The following COL4A1 variants were observed in gnomAD, a reference collection of about 807,000 sequenced individuals.
COL4A1 encodes collagen alpha-1(IV) chain.
Under a neutral mutation model 216.6 loss-of-function variants are expected in COL4A1, and 40 were observed. The observed-to-expected ratio is 0.18, with a 90% CI of 0.14 to 0.24. The LOEUF is 0.24. Ranked by LOEUF, COL4A1 falls within the 10% of genes least tolerant of loss-of-function variation. The probability of loss-of-function intolerance (pLI) is 1.00; values close to 1 mark genes in which losing one functional copy is unlikely to be tolerated. For synonymous variants in COL4A1, 839 were observed against 810.7 expected (o/e 1.03, Z -0.59); for missense variants, 1,628 against 2,196.8 (o/e 0.74, Z 5.18).
intron 2 of COL4A1, among the ~76,000 whole-genome samples, chr13:110,229,542 T>C (rs929932646): frequency 2.6e-5 from 4 of 152,182 alleles, no homozygotes; most frequent in South Asian, 4.1e-4. Context: ...GTTCTGAATG[T>C]CCATGCCCCG....
chr13:110,211,798 A>G lies in COL4A1; in HGVS notation c.441+71T>C. On this transcript the variant is annotated intron_variant, in intron 7 of 51. Coordinates refer to ENST00000375820, the MANE Select transcript of COL4A1 (RefSeq NM_001845.6). This position sits in a 1 kb window ranked among gnomAD's most constrained non-coding sequence, Gnocchi z 4.3. ...AAACATAAGCAAAGAAAGAAAGAAA[A>G]GGAAATGGAATGAAAAGAGAGAAGT... is the stretch of plus-strand genomic sequence containing the variant. The G allele has an allele frequency of 6.5e-7, 1 of 1,549,594 alleles. No homozygotes were observed. Among genetic ancestry groups the G allele is most frequent in the Non-Finnish European group, 8.9e-7 (1 of 1,127,682 alleles).
chr13:110,258,583 A>G (rs1882679756), intron 1 of COL4A1, among the ~76,000 whole-genome samples: 1 of 152,220 alleles, frequency 6.6e-6, no homozygotes, highest in Non-Finnish European at 1.5e-5. Context: ...AATATTTTGA[A>G]TTTGAAAATG....
At chr13:110,193,634 G>T (rs1160402848) in intron 22 of COL4A1, among the ~76,000 whole-genome samples, 1 of 152,238 alleles carries the variant, frequency 6.6e-6, no homozygotes, top group African/African-American at 2.4e-5. Flanking sequence ...AGGCGGCGTG[G>T]CCATGTTCTT....
intron 2 of COL4A1, among the ~76,000 whole-genome samples, chr13:110,225,305 C>G (rs1010178202): frequency 7.2e-5 from 11 of 152,216 alleles, no homozygotes; most frequent in African/African-American, 2.7e-4. Context: ...ACGACTGGGC[C>G]GGGTGCAGTG....
chr13:110,306,108 G>A (rs1407265537), intron 1 of COL4A1, among the ~76,000 whole-genome samples: 1 of 152,102 alleles, frequency 6.6e-6, no homozygotes, highest in African/African-American at 2.4e-5. Context: ...AGTCAGTCCA[G>A]GCTTGTCCAC....
chr13:110,155,592 C>G (rs967561924), intron 49 of COL4A1, among the ~76,000 whole-genome samples, 195 bp from the exon 50 acceptor site: 2 of 152,190 alleles, frequency 1.3e-5, no homozygotes, highest in Non-Finnish European at 2.9e-5. Context: ...AAGCCTGTCT[C>G]AGTATTAAAA....
chr13:110,162,281 A>G lies in COL4A1; in HGVS notation c.4411T>C (p.Tyr1471His), dbSNP rs1230712550. ...PSGTKILYHG[Y>H]SLLYVQGNER... ...TTGCCTTGCACGTAGAGCAAAGAGTACCCGTGGTAAAGAATTTTGGTCCCA... is the reference window on the plus strand; with the variant it reads ...TTGCCTTGCACGTAGAGCAAAGAGTGCCCGTGGTAAAGAATTTTGGTCCCA... Residue 1471 changes from tyrosine to histidine, a missense_variant, in exon 48 of 52, where the codon TAC becomes CAC. This residue lies in a region of COL4A1 where 254 missense variants were observed against 300.1 expected (regional missense o/e 0.85). Coordinates refer to ENST00000375820, the MANE Select transcript of COL4A1 (RefSeq NM_001845.6). The G allele has an allele frequency of 6.8e-6, 11 of 1,614,216 alleles. No individual in the cohort carries two copies. Among genetic ancestry groups the G allele is most frequent in the Non-Finnish European group, 9.3e-6 (11 of 1,180,034 alleles).
intron 26 of COL4A1, among the ~76,000 whole-genome samples, chr13:110,183,951 G>C (rs143965377): frequency 6.6e-6 from 1 of 152,154 alleles, no homozygotes; most frequent in African/African-American, 2.4e-5. Flanking sequence ...CTGAATCTTC[G>C]TACACCTCGT....
At chr13:110,243,019 T>TA (rs1197083003) in intron 1 of COL4A1, among the ~76,000 whole-genome samples, 2 of 152,232 alleles carry the variant, frequency 1.3e-5, no homozygotes, top group East Asian at 3.9e-4. Context: ...TGCCCTTTGT[T>TA]AATTTCTATT....
chr13:110,222,380 G>T (rs1025021149), intron 2 of COL4A1, among the ~76,000 whole-genome samples: 1 of 152,182 alleles, frequency 6.6e-6, no homozygotes, highest in African/African-American at 2.4e-5. Flanking sequence ...CTTGGGTGAG[G>T]AGTCTCCGTG....
At position 110,184,187 on chromosome 13, in the gene COL4A1, A is replaced by G. The variant is rs189303747; in HGVS notation, c.1898-911T>C. 1.5e-4 allele frequency among the ~76,000 whole-genome samples: 23 copies of G among 152,306 alleles called. No individual in the cohort carries two copies. The East Asian group carries it at 4.4e-3, about 29-fold the overall frequency. Reference sequence around the variant, plus strand: ...TGGCTCTGGATGGCCAAGGAGCCCTACAGCTGTGGGGAGAGAGGATCAACA... The same window carrying G: ...TGGCTCTGGATGGCCAAGGAGCCCTGCAGCTGTGGGGAGAGAGGATCAACA... On this transcript the variant is annotated intron_variant, in intron 26 of 51. Coordinates refer to ENST00000375820, the MANE Select transcript of COL4A1 (RefSeq NM_001845.6).
At chr13:110,205,679 A>G (rs557638603) in intron 15 of COL4A1, 141 bp from the exon 16 acceptor site, 1 of 888,660 alleles carries the variant, frequency 1.1e-6, no homozygotes, top group African/African-American at 1.7e-5. Flanking sequence ...CCTGGCCAAC[A>G]TGGCGAAATC....
intron 1 of COL4A1, among the ~76,000 whole-genome samples, chr13:110,285,776 C>T (rs930555759): frequency 6.6e-6 from 1 of 152,214 alleles, no homozygotes; most frequent in Non-Finnish European, 1.5e-5. Flanking sequence ...GCCATACCAT[C>T]GCTTTCCCAG....
intron 22 of COL4A1, 36 bp from the exon 23 acceptor site, chr13:110,192,949 A>C: frequency 6.3e-7 from 1 of 1,591,830 alleles, no homozygotes; most frequent in Non-Finnish European, 8.6e-7. Flanking sequence ...TACGTGTAAC[A>C]TGTGACCAGA....
intron 26 of COL4A1, among the ~76,000 whole-genome samples, chr13:110,183,531 G>A (rs1354069069): frequency 3.3e-5 from 5 of 152,312 alleles, no homozygotes; most frequent in African/African-American, 1.2e-4. Context: ...AATCCCTTAA[G>A]AGTCCACAAT....
intron 1 of COL4A1, among the ~76,000 whole-genome samples, chr13:110,261,237 C>T (rs538069768): frequency 2.6e-5 from 4 of 152,296 alleles, no homozygotes; most frequent in East Asian, 1.9e-4. Flanking sequence ...CCCCACACAC[C>T]GCCCTGGCGC....
intron 2 of COL4A1, among the ~76,000 whole-genome samples, chr13:110,234,454 C>T (rs533334064): frequency 2.0e-5 from 3 of 152,038 alleles, no homozygotes; most frequent in Non-Finnish European, 4.4e-5. Flanking sequence ...GGGGGGTACA[C>T]GCCTATAATC....
chr13:110,202,612 A>C (rs186073376), intron 18 of COL4A1, among the ~76,000 whole-genome samples: 229 of 152,206 alleles, frequency 1.5e-3, no homozygotes, highest in Non-Finnish European at 2.9e-3. Flanking sequence ...CACTGCAAGG[A>C]AGGCAGCAAA....
At chr13:110,174,410 A>G (rs1877781921) in intron 39 of COL4A1, 36 bp downstream of exon 39, 1 of 1,608,774 alleles carries the variant, frequency 6.2e-7, no homozygotes, top group Non-Finnish European at 8.5e-7. Flanking sequence ...ACTGTTCTCT[A>G]TGTGCCCGGG....
Sources: gnomAD v4.1 joint callset for allele counts (sites outside exome capture counted in the v4.1 genomes callset) on GRCh38, gnomAD v4.1.1 for gene constraint, gnomAD v4.1.1 regional missense constraint, Gnocchi (gnomAD v3.1) non-coding constraint, MANE v1.5 for transcripts, NCBI Gene and HGNC (gene_info 2026-07-23, HGNC 2026-07-21) for gene names.